Variants in GLE1 observed in about 807,000 individuals in gnomAD.
The protein encoded by GLE1 is GLE1 RNA export mediator.
Under a neutral mutation model 97.3 loss-of-function variants are expected in GLE1, and 78 were observed. The observed-to-expected ratio is 0.80, with a 90% CI of 0.67 to 0.97. The LOEUF is 0.97. GLE1 is among the 50% of genes least tolerant of loss of function. The pLI is 0.00. For synonymous variants in GLE1, 302 were observed against 313.4 expected, an observed-to-expected ratio of 0.96 and a Z score of 0.39; for missense variants, 753 against 857.5, an observed-to-expected ratio of 0.88 and a Z score of 1.52.
At chr9:128,515,683 A>G (rs368547135) in intron 3 of GLE1, 44 bp downstream of exon 3, 2 of 1,002,632 alleles carry the variant, frequency 2.0e-6, no homozygotes, top group Non-Finnish European at 3.2e-6. Context: ...CCTGCGAGCC[A>G]CATTTAACTG....
intron 12 of GLE1, among the ~76,000 whole-genome samples, chr9:128,537,517 A>G (rs1260713909): frequency 2.0e-5 from 3 of 151,784 alleles, no homozygotes; most frequent in Non-Finnish European, 4.4e-5. Context: ...ATTTAAATAC[A>G]GAAGGCTGGG....
intron 2 of GLE1, among the ~76,000 whole-genome samples, chr9:128,514,555 G>A (rs988879567): frequency 1.3e-5 from 2 of 148,836 alleles, no homozygotes; most frequent in Non-Finnish European, 3.0e-5. Flanking sequence ...CCATTCTCCC[G>A]CCTCAGCCTC....
chr9:128,537,839 T>C, intron 12 of GLE1, 147 bp from the exon 13 acceptor site: 1 of 685,062 alleles, frequency 1.5e-6, no homozygotes, highest in East Asian at 2.7e-5. Context: ...AGAATTTGTT[T>C]AGTTTGTGTT....
intron 9 of GLE1, among the ~76,000 whole-genome samples, chr9:128,532,186 G>A (rs1469728790): frequency 1.4e-5 from 2 of 145,458 alleles, no homozygotes; most frequent in Non-Finnish European, 3.0e-5. Context: ...TCAGGTAATG[G>A]AAAGTAATTC....
Position 128,527,439 on chromosome 9 carries a change from C to G in GLE1, c.1243-17C>G. ...AGCTCTTCAGAACACTGCTTTCTCACTGTTCTCTTCTGGCAGGCCAAAAAG... is the reference window on the plus strand; with the variant it reads ...AGCTCTTCAGAACACTGCTTTCTCAGTGTTCTCTTCTGGCAGGCCAAAAAG... On this transcript the variant is annotated splice_polypyrimidine_tract_variant and intron_variant, in intron 8 of 15. Transcript: ENST00000309971. The G allele has an allele frequency of 6.3e-7, 1 of 1,587,210 alleles. No homozygotes were observed. Among genetic ancestry groups the G allele is most frequent in the Non-Finnish European group, 8.7e-7 (1 of 1,155,538 alleles).
chr9:128,524,587 T>G (rs1258493970), intron 6 of GLE1, among the ~76,000 whole-genome samples: 1 of 122,476 alleles, frequency 8.2e-6, no homozygotes, highest in Non-Finnish European at 1.6e-5. Context: ...GGTCTCACAC[T>G]CTTGCCCCGG....
chr9:128,530,010 A>G (rs1847440882), intron 9 of GLE1, among the ~76,000 whole-genome samples: 1 of 152,052 alleles, frequency 6.6e-6, no homozygotes. Context: ...GTTAGCCAGG[A>G]TGGTCTCGAT....
chr9:128,506,956 T>C (rs4388551), intron 1 of GLE1, among the ~76,000 whole-genome samples: 150,479 of 152,274 alleles, frequency 0.99, 74,377 homozygotes, highest in Middle Eastern at 1. Context: ...TAGCAATCTC[T>C]GAACTACTCT....
intron 3 of GLE1, among the ~76,000 whole-genome samples, chr9:128,520,124 C>T (rs1304636469): frequency 6.6e-6 from 1 of 152,016 alleles, no homozygotes; most frequent in Non-Finnish European, 1.5e-5. Flanking sequence ...GTGGCACATG[C>T]CTGTAAACCC....
chr9:128,509,190 AAAT>A, intron 2 of GLE1, 93 bp downstream of exon 2: 1 of 791,676 alleles, frequency 1.3e-6, no homozygotes, highest in East Asian at 2.5e-5. Context: ...ACCCTAGGGG[AAAT>A]AATGATTGCT....
intron 3 of GLE1, among the ~76,000 whole-genome samples, chr9:128,519,556 G>C (rs1356751154): frequency 1.3e-5 from 2 of 152,174 alleles, no homozygotes; most frequent in African/African-American, 4.8e-5. Context: ...ATTTTGGTCA[G>C]ACCGGTTGCT....
chr9:128,538,978 G>A (rs1051713525), intron 13 of GLE1, among the ~76,000 whole-genome samples: 1 of 151,952 alleles, frequency 6.6e-6, no homozygotes, highest in East Asian at 1.9e-4. Flanking sequence ...CGTCAGCCAG[G>A]TGCAGTGGCT....
chr9:128,528,038 C>T (rs1180929077), intron 9 of GLE1, among the ~76,000 whole-genome samples: 11 of 126,506 alleles, frequency 8.7e-5, no homozygotes, highest in African/African-American at 2.4e-4. Context: ...CTTGCTCTGT[C>T]GCCCAGGCTG....
rs1184529277 is a variant in GLE1 at position 128,541,823 on chromosome 9, T to C, written c.*653T>C. The C allele has an allele frequency of 6.6e-6, 1 of 152,276 alleles. No homozygotes were observed. Among genetic ancestry groups the C allele is most frequent in the African/African-American group, 2.4e-5 (1 of 41,456 alleles). 9.4% of individuals were successfully genotyped at this position (152,276 alleles called of 1,614,324 possible). A position where few individuals can be genotyped will look rare whatever the true frequency, so the allele number is the denominator to read the frequency against. On this transcript the variant is annotated 3_prime_UTR_variant, in exon 16 of 16. Transcript: ENST00000309971. ...AACTAAGGGAAACTCTTTGTCATCCTAATTTGGAATTTGGTCCCTGGATGG... is the reference window on the plus strand; with the variant it reads ...AACTAAGGGAAACTCTTTGTCATCCCAATTTGGAATTTGGTCCCTGGATGG...
chr9:128,517,721 TAGA>T (rs1402453649), intron 3 of GLE1, among the ~76,000 whole-genome samples: 1 of 152,228 alleles, frequency 6.6e-6, no homozygotes, highest in Non-Finnish European at 1.5e-5. Context: ...TTTTGTTTTC[TAGA>T]AGATTTCTAT....
At chr9:128,514,101 C>T (rs1439008250) in intron 2 of GLE1, among the ~76,000 whole-genome samples, 1 of 151,070 alleles carries the variant, frequency 6.6e-6, no homozygotes, top group Non-Finnish European at 1.5e-5. Flanking sequence ...ACTTTGGGAG[C>T]CTGAGGTAGG....
chr9:128,519,478 G>T (rs572655906), intron 3 of GLE1, among the ~76,000 whole-genome samples: 3 of 152,284 alleles, frequency 2.0e-5, no homozygotes, highest in East Asian at 3.9e-4. Flanking sequence ...GACTGTAGGG[G>T]TGACATAGAC....
intron 15 of GLE1, chr9:128,540,779 A>G (rs1027459370): frequency 1.9e-5 from 8 of 421,064 alleles, no homozygotes; most frequent in Middle Eastern, 1.4e-3. Flanking sequence ...TTAGAACACT[A>G]TAGTGGGTTT....
At chr9:128,504,949 G>T (rs749024720) in intron 1 of GLE1, 45 bp downstream of exon 1, 5 of 1,279,312 alleles carry the variant, frequency 3.9e-6, no homozygotes, top group South Asian at 1.2e-5. Context: ...GGCCCCTCGC[G>T]ACCGAAACCT....
Sources: gnomAD v4.1 joint callset for allele counts (sites outside exome capture counted in the v4.1 genomes callset) on GRCh38, gnomAD v4.1.1 for gene constraint, MANE v1.5 for transcripts, NCBI Gene and HGNC (gene_info 2026-07-23, HGNC 2026-07-21) for gene names.